Variants in TSEN15 observed in about 807,000 individuals in gnomAD.
The protein encoded by TSEN15 is tRNA splicing endonuclease subunit 15, also known as tRNA-splicing endonuclease subunit Sen15.
A neutral mutation model predicts 20.5 loss-of-function variants in TSEN15; 10 were observed. The observed-to-expected ratio is 0.49, with a 90% CI of 0.30 to 0.83. TSEN15 has a LOEUF of 0.83. TSEN15 is among the 40% of genes least tolerant of loss of function. The pLI, the probability that TSEN15 is intolerant of heterozygous loss-of-function variation, is 0.06. For synonymous variants in TSEN15, 72 were observed against 80.1 expected, an observed-to-expected ratio of 0.90 and a Z score of 0.54; for missense variants, 180 against 218.6, an observed-to-expected ratio of 0.82 and a Z score of 1.11.
At chr1:184,063,866 T>C (rs1650553262) in intron 3 of TSEN15, among the ~76,000 whole-genome samples, 1 of 152,108 alleles carries the variant, frequency 6.6e-6, no homozygotes, top group Non-Finnish European at 1.5e-5. Flanking sequence ...AAAATTTATT[T>C]ATTGTTCTTA....
chr1:184,066,641 A>C (rs577041346), intron 3 of TSEN15, among the ~76,000 whole-genome samples: 76 of 152,198 alleles, frequency 5.0e-4, no homozygotes, highest in South Asian at 3.7e-3. Context: ...CCTAACCTCA[A>C]GTGATCCGCC....
intron 1 of TSEN15, among the ~76,000 whole-genome samples, chr1:184,053,379 T>A (rs1019945364): frequency 9.2e-5 from 14 of 152,234 alleles, no homozygotes; most frequent in African/African-American, 3.4e-4. Context: ...TTAGAAATCC[T>A]CAGTGTTTCC....
At chr1:184,056,133 C>T (rs1481460185) in intron 3 of TSEN15, among the ~76,000 whole-genome samples, 1 of 152,108 alleles carries the variant, frequency 6.6e-6, no homozygotes, top group East Asian at 1.9e-4. Flanking sequence ...TGGAGTGTTG[C>T]TAATGTTTAA....
rs571399166 is a variant in TSEN15, at chr1:184,059,639, C to T, written c.353+4776C>T. 2.6e-5 allele frequency among the ~76,000 whole-genome samples: 4 copies of T among 152,166 alleles called. No individual in the cohort carries two copies. In the South Asian group the frequency reaches 6.2e-4, roughly 24 times the overall value. ...AGGCTGGAGTGCAGTGGCACAATCT[C>T]GGCACACTGCAGTCTCCGCCTCCCG... On this transcript the variant is annotated intron_variant, in intron 3 of 4. Transcript: ENST00000645668.
At chr1:184,067,822 G>A (rs765789300) in intron 3 of TSEN15, among the ~76,000 whole-genome samples, 6 of 150,382 alleles carry the variant, frequency 4.0e-5, no homozygotes, top group Non-Finnish European at 8.9e-5. Context: ...GGGAGGCCTA[G>A]TGAGGCAAGA....
In TSEN15 at chr1:184,072,280, T is replaced by G. The variant is rs1230486703; in HGVS notation, c.477T>G (p.Phe159Leu). ...TCTATTATAAACTTACTGATGGATT[T>G]ATGCTGCCAGACCCTCAGGTCAGTT... ...TIVYYKLTDG[F>L]MLPDPQNISL... Residue 159 changes from phenylalanine to leucine, a missense_variant, in exon 4 of 5, where the codon TTT becomes TTG. Around this residue, in one of 3 missense-constraint regions of TSEN15, gnomAD observed 28 missense variants for 28.7 expected, o/e 0.98. Coordinates refer to ENST00000645668, the MANE Select transcript of TSEN15 (RefSeq NM_052965.4). The G allele has an allele frequency of 6.2e-7, 1 of 1,609,968 alleles. No individual in the cohort carries two copies. Among genetic ancestry groups the G allele is most frequent in the Non-Finnish European group, 8.5e-7 (1 of 1,178,364 alleles).
chr1:184,068,179 A>T (rs1650758349), intron 3 of TSEN15, among the ~76,000 whole-genome samples: 1 of 151,638 alleles, frequency 6.6e-6, no homozygotes. Flanking sequence ...GTAGAGGGTT[A>T]CTAGAACTAG....
downstream of TSEN15, among the ~76,000 whole-genome samples, chr1:184,075,910 A>ATATATTTTT (rs760409158): frequency 8.2e-4 from 101 of 123,744 alleles, 1 homozygote; most frequent in African/African-American, 2.6e-3. Context: ...ATATATATAT[A>ATATATTTTT]TTTTTTTTTT....
intron 3 of TSEN15, among the ~76,000 whole-genome samples, chr1:184,091,782 C>T (rs770691348): frequency 2.0e-5 from 3 of 152,100 alleles, no homozygotes; most frequent in Non-Finnish European, 4.4e-5. Flanking sequence ...CTACCTGTCA[C>T]CCAGGAACAC....
At chr1:184,075,426 C>T (rs1027746081), downstream of TSEN15, among the ~76,000 whole-genome samples, 102 of 152,214 alleles carry the variant, frequency 6.7e-4, no homozygotes, top group Non-Finnish European at 3.4e-4. Context: ...AGACTGGGCT[C>T]CTTAAGAACA....
rs192589579 is a variant in TSEN15, at chr1:184,061,440, T to G, written c.353+6577T>G. ...TTGCTGGAGCTACAATTTCTTATTA[T>G]TTACAAAGAGCATATAGCACATAAG... On this transcript the variant is annotated intron_variant, in intron 3 of 4. Coordinates refer to ENST00000645668, the MANE Select transcript of TSEN15 (RefSeq NM_052965.4). Among the ~76,000 whole-genome samples the G allele has an allele frequency of 1.6e-3, 243 of 152,278 alleles. 2 individuals carry two copies. Among genetic ancestry groups the G allele is most frequent in the Middle Eastern group, 6.8e-3 (2 of 294 alleles).
At chr1:184,078,107 T>C (rs141641967), downstream of TSEN15, among the ~76,000 whole-genome samples, 622 of 152,240 alleles carry the variant, frequency 4.1e-3, 7 homozygotes, top group African/African-American at 0.014. Flanking sequence ...TCATTGTATG[T>C]TATTTTAAGA....
At chr1:184,066,698 G>T (rs60924533) in intron 3 of TSEN15, among the ~76,000 whole-genome samples, 2,688 of 152,212 alleles carry the variant, frequency 0.018, 81 homozygotes, top group African/African-American at 0.06. Context: ...GAGCCACTGT[G>T]CCCGGCTTGT....
rs372092663 is a variant in TSEN15, at chr1:184,054,878, T to G, written c.353+15T>G. 6.2e-7 allele frequency: 1 copy of G among 1,604,824 alleles called. No individual in the cohort carries two copies. The highest frequency in any genetic ancestry group is 1.3e-5 in the African/African-American group (1 of 74,568). ...AGCCATAACAGGTGAGCAGGTGATT[T>G]TGGTCTAAGTTCCTTTCCCGAGTAA... is the stretch of plus-strand genomic sequence containing the variant. On this transcript the variant is annotated intron_variant, in intron 3 of 4. Coordinates refer to ENST00000645668, the MANE Select transcript of TSEN15 (RefSeq NM_052965.4).
chr1:184,051,947 C>A (rs1016231992), intron 1 of TSEN15, 57 bp downstream of exon 1: 10 of 1,380,598 alleles, frequency 7.2e-6, no homozygotes, highest in Non-Finnish European at 9.4e-6. Context: ...AGGCAGAACA[C>A]TCCCAGGCAG....
chr1:184,069,817 A>G (rs1650819525), intron 3 of TSEN15, among the ~76,000 whole-genome samples: 1 of 152,058 alleles, frequency 6.6e-6, no homozygotes. Flanking sequence ...ATCGACTAGA[A>G]GAGATCCTGA....
chr1:184,092,496 C>T (rs374700645), intron 3 of TSEN15, among the ~76,000 whole-genome samples: 1 of 152,178 alleles, frequency 6.6e-6, no homozygotes. Context: ...ATGCAAGAAT[C>T]ACAGCATTCT....
At chr1:184,078,623 G>A (rs539688123), downstream of TSEN15, among the ~76,000 whole-genome samples, 6 of 152,182 alleles carry the variant, frequency 3.9e-5, no homozygotes, top group Admixed American at 2.0e-4. Flanking sequence ...TCCAGACTAA[G>A]TATTTGCTTC....
chr1:184,062,758 T>C (rs1572707619), intron 3 of TSEN15, among the ~76,000 whole-genome samples: 3 of 151,994 alleles, frequency 2.0e-5, no homozygotes, highest in Admixed American at 2.0e-4. Flanking sequence ...GTTTGTTTTT[T>C]TTTCCCCCTC....
Sources: gnomAD v4.1 joint callset for allele counts (sites outside exome capture counted in the v4.1 genomes callset) on GRCh38, gnomAD v4.1.1 for gene constraint, gnomAD v4.1.1 regional missense constraint, MANE v1.5 for transcripts, NCBI Gene and HGNC (gene_info 2026-07-23, HGNC 2026-07-21) for gene names.